The following ATL1 variants were observed in gnomAD, a reference collection of about 807,000 sequenced individuals.
The protein encoded by ATL1 is atlastin-1.
A neutral mutation model predicts 75.5 loss-of-function variants in ATL1; 31 were observed. The observed-to-expected ratio is 0.41, with a 90% CI of 0.31 to 0.55. ATL1 has a LOEUF of 0.55. Among genes scored for constraint, ATL1 ranks in the 20% least tolerant of loss-of-function variants. The pLI is 0.27. For missense variants in ATL1, 405 were observed against 662.6 expected, an observed-to-expected ratio of 0.61 and a Z score of 4.27; for synonymous variants, 226 against 233.3, an observed-to-expected ratio of 0.97 and a Z score of 0.28.
At chr14:50,533,709 G>A (rs2038454051) in intron 1 of ATL1, among the ~76,000 whole-genome samples, 1 of 152,172 alleles carries the variant, frequency 6.6e-6, no homozygotes, top group African/African-American at 2.4e-5. Flanking sequence ...ATGTTGGCTT[G>A]TGGCTTTGAA....
At chr14:50,619,744 C>T (rs2039449391) in intron 8 of ATL1, among the ~76,000 whole-genome samples, 2 of 152,142 alleles carry the variant, frequency 1.3e-5, no homozygotes, top group Admixed American at 1.3e-4. Context: ...CTGAGTTCCA[C>T]CACTAGAGGT....
At chr14:50,601,195 TAAAC>T (rs2039269024) in intron 6 of ATL1, among the ~76,000 whole-genome samples, 1 of 152,134 alleles carries the variant, frequency 6.6e-6, no homozygotes, top group Admixed American at 6.5e-5. Flanking sequence ...TTATGAATAA[TAAAC>T]AGACCTATAA....
intron 6 of ATL1, among the ~76,000 whole-genome samples, chr14:50,596,362 A>G (rs2039217362): frequency 6.6e-6 from 1 of 152,208 alleles, no homozygotes; most frequent in Non-Finnish European, 1.5e-5. Flanking sequence ...TATAAAGATC[A>G]ATAGAACCAT....
chr14:50,624,450 CTGTTA>C (rs1424585299), intron 11 of ATL1, among the ~76,000 whole-genome samples: 3 of 151,992 alleles, frequency 2.0e-5, no homozygotes, highest in African/African-American at 7.2e-5. Context: ...ATTAACTGTG[CTGTTA>C]TAAGATGGTG....
At chr14:50,542,629 C>T (rs1416164004) in intron 1 of ATL1, 3 of 152,094 alleles carry the variant, frequency 2.0e-5, no homozygotes, top group Non-Finnish European at 4.4e-5. Flanking sequence ...TCCATTGGAC[C>T]TGCCCTTACT....
intron 1 of ATL1, among the ~76,000 whole-genome samples, chr14:50,582,814 A>G (rs2039069433): frequency 1.3e-5 from 2 of 152,194 alleles, no homozygotes; most frequent in Non-Finnish European, 1.5e-5. Context: ...CAACTCATTT[A>G]TGAATATACA....
Position 50,541,282 on chromosome 14 carries a change from T to G in ATL1, c.-140+7915T>G, listed in dbSNP as rs543780299. 3.3e-4 allele frequency among the ~76,000 whole-genome samples: 50 copies of G among 152,298 alleles called. No individual in the cohort carries two copies. In the South Asian group the frequency reaches 9.1e-3, roughly 28 times the overall value. ...ATCCAGTAGAATATCATGGTAGTCT[T>G]TTATCTTGATAACATTATGCAAATT... On this transcript the variant is annotated intron_variant, in intron 1 of 13. Coordinates refer to the ATL1 transcript ENST00000441560.
intron 7 of ATL1, among the ~76,000 whole-genome samples, chr14:50,613,631 C>A (rs2039387030): frequency 6.6e-6 from 1 of 152,092 alleles, no homozygotes; most frequent in Non-Finnish European, 1.5e-5. Flanking sequence ...TAACAAATAT[C>A]TAATTTTGAA....
At chr14:50,571,083 G>T (rs1048096454) in intron 1 of ATL1, among the ~76,000 whole-genome samples, 2 of 152,136 alleles carry the variant, frequency 1.3e-5, no homozygotes, top group African/African-American at 4.8e-5. Flanking sequence ...AAAGGAACCT[G>T]CCCTTTAAGT....
At chr14:50,629,944 A>G (rs1340310199) in intron 12 of ATL1, 51 bp from the exon 13 acceptor site, 3 of 1,429,166 alleles carry the variant, frequency 2.1e-6, no homozygotes, top group South Asian at 1.3e-5. Flanking sequence ...TGCTGTTAAT[A>G]AAGCAGGATA....
chr14:50,613,893 G>A (rs946053630), intron 7 of ATL1, among the ~76,000 whole-genome samples: 3 of 152,184 alleles, frequency 2.0e-5, no homozygotes, highest in Admixed American at 2.0e-4. Context: ...TTTACATAAA[G>A]TGGGAGGTGA....
chr14:50,550,258 C>G (rs1053934633), intron 1 of ATL1, among the ~76,000 whole-genome samples: 1 of 152,180 alleles, frequency 6.6e-6, no homozygotes, highest in South Asian at 2.1e-4. Context: ...GTACTGTAAG[C>G]CAGAACTGAA....
In ATL1 at chr14:50,632,058, T is replaced by C. The variant is rs138994708; in HGVS notation, c.1567-171T>C. The C allele has an allele frequency of 6.0e-5, 30 of 497,920 alleles. 1 individual carries two copies. The highest frequency in any genetic ancestry group is 4.1e-4 in the African/African-American group (21 of 51,376). 30.8% of individuals were successfully genotyped at this position (497,920 alleles called of 1,614,324 possible). ...ACACACAAAAGTGTTAATGCACACA[T>C]TGAGGAGTTGAAAATACTTTTGAAT... On this transcript the variant is annotated intron_variant, in intron 13 of 13. Transcript: ENST00000358385.
chr14:50,598,005 C>T (rs1159400410), intron 6 of ATL1, among the ~76,000 whole-genome samples: 1 of 152,014 alleles, frequency 6.6e-6, no homozygotes, highest in East Asian at 1.9e-4. Context: ...AATAGCGTTT[C>T]TTAAAACCAG....
At chr14:50,598,318 A>G (rs1199030648) in intron 6 of ATL1, among the ~76,000 whole-genome samples, 1 of 152,078 alleles carries the variant, frequency 6.6e-6, no homozygotes, top group African/African-American at 2.4e-5. Flanking sequence ...TGGAAGAATT[A>G]AGTCTTGTTT....
At chr14:50,549,640 C>T (rs553267113) in intron 1 of ATL1, among the ~76,000 whole-genome samples, 67 of 152,092 alleles carry the variant, frequency 4.4e-4, no homozygotes, top group Non-Finnish European at 8.1e-4. Context: ...TGGCATGCTA[C>T]GAAGAATATA....
intron 11 of ATL1, among the ~76,000 whole-genome samples, chr14:50,627,061 A>G (rs757487951): frequency 8.5e-5 from 13 of 152,354 alleles, no homozygotes; most frequent in Middle Eastern, 3.4e-3. Flanking sequence ...CTTTCATGAA[A>G]GGAAGTCTAT....
At chr14:50,592,694 G>A (rs909325040) in intron 4 of ATL1, among the ~76,000 whole-genome samples, 18 of 151,644 alleles carry the variant, frequency 1.2e-4, no homozygotes, top group East Asian at 1.9e-4. Context: ...GGCGGATCAC[G>A]AGGTCAGGAG....
At chr14:50,626,574 C>T (rs978059405) in intron 11 of ATL1, among the ~76,000 whole-genome samples, 9 of 152,048 alleles carry the variant, frequency 5.9e-5, no homozygotes, top group African/African-American at 2.2e-4. Context: ...CTACTCCTAG[C>T]GAAGATGCTG....
Sources: gnomAD v4.1 joint callset for allele counts (sites outside exome capture counted in the v4.1 genomes callset) on GRCh38, gnomAD v4.1.1 for gene constraint, MANE v1.5 for transcripts, NCBI Gene and HGNC (gene_info 2026-07-23, HGNC 2026-07-21) for gene names.